The following MS4A4E variants were observed in gnomAD, a reference collection of about 807,000 sequenced individuals.
MS4A4E encodes the protein putative membrane-spanning 4-domains subfamily A member 4E.
MS4A4E carries 23 observed loss-of-function variants against 13.3 expected under a neutral mutation model. The observed-to-expected ratio is 1.73, with a 90% confidence interval of 1.25 to 2.45. The LOEUF is 2.45. Among genes scored for constraint, MS4A4E ranks in the 30% most tolerant of loss-of-function variants. MS4A4E has a pLI of 0.00. For missense variants in MS4A4E, 144 were observed against 131.2 expected, an observed-to-expected ratio of 1.10 and a Z score of -0.48; for synonymous variants, 36 against 45.6, an observed-to-expected ratio of 0.79 and a Z score of 0.85.
intron 3 of MS4A4E, among the ~76,000 whole-genome samples, chr11:60,219,428 T>C: frequency 6.7e-6 from 1 of 149,476 alleles, no homozygotes; most frequent in East Asian, 2.0e-4. Flanking sequence ...AGCTCTGGTA[T>C]TGGCTAATTA....
chr11:60,235,279 G>T (rs553124628), intron 1 of MS4A4E, among the ~76,000 whole-genome samples: 3 of 152,290 alleles, frequency 2.0e-5, no homozygotes, highest in Non-Finnish European at 4.4e-5. Context: ...TTTTTGTAGA[G>T]ACAGAGTTTT....
At chr11:60,222,046 G>A (rs2084276324) in intron 3 of MS4A4E, among the ~76,000 whole-genome samples, 1 of 152,142 alleles carries the variant, frequency 6.6e-6, no homozygotes, top group South Asian at 2.1e-4. Context: ...CCACTGCTGA[G>A]CACCTAATTT....
At chr11:60,223,718 A>G (rs1011840799) in intron 3 of MS4A4E, among the ~76,000 whole-genome samples, 2 of 152,184 alleles carry the variant, frequency 1.3e-5, no homozygotes, top group African/African-American at 4.8e-5. Flanking sequence ...AGACTGGTTT[A>G]GTCTCTGGCC....
chr11:60,232,608 A>C (rs1451027793), intron 1 of MS4A4E, among the ~76,000 whole-genome samples: 1 of 151,958 alleles, frequency 6.6e-6, no homozygotes, highest in East Asian at 1.9e-4. Flanking sequence ...GAGTCTTTAC[A>C]GGCTCTGAGC....
rs149509440 is a variant in MS4A4E at position 60,211,798 on chromosome 11, A to T, written c.381+1176T>A. On this transcript the variant is annotated intron_variant, in intron 5 of 8. Transcript: ENST00000651255. ...CGTGGTGGCACATGCCTGTAATTCC[A>T]GCTACTTGGGATGCTGAGGCAGGAG... 1.9e-3 allele frequency among the ~76,000 whole-genome samples: 284 copies of T among 152,326 alleles called. 2 individuals carry two copies. The highest frequency in any genetic ancestry group is 6.6e-3 in the African/African-American group (276 of 41,564).
intron 3 of MS4A4E, 70 bp from the exon 4 acceptor site, chr11:60,214,684 C>G (rs1449836621): frequency 2.8e-5 from 28 of 1,011,014 alleles, no homozygotes; most frequent in Non-Finnish European, 4.0e-5. Flanking sequence ...TTGGAAATCA[C>G]AACTTAGTAA....
At chr11:60,203,122 T>G (rs2084004945) in intron 8 of MS4A4E, among the ~76,000 whole-genome samples, 2 of 152,240 alleles carry the variant, frequency 1.3e-5, no homozygotes, top group South Asian at 4.1e-4. Flanking sequence ...TTCCTGAATA[T>G]TTAAAAGTAT....
At chr11:60,221,407 C>T (rs1411376722) in intron 3 of MS4A4E, among the ~76,000 whole-genome samples, 1 of 152,158 alleles carries the variant, frequency 6.6e-6, no homozygotes, top group Admixed American at 6.5e-5. Context: ...TGCCTTCTCT[C>T]CCCCAGCCTG....
chr11:60,206,896 C>A (rs2084055060), intron 6 of MS4A4E: 1 of 159,186 alleles, frequency 6.3e-6, no homozygotes. Context: ...TTCTTTAGAT[C>A]AGGCTAGATT....
intron 1 of MS4A4E, among the ~76,000 whole-genome samples, chr11:60,231,166 G>T (rs1437482482): frequency 6.6e-6 from 1 of 151,708 alleles, no homozygotes; most frequent in Non-Finnish European, 1.5e-5. Context: ...AGCTAGAGGG[G>T]AAAAGTTAAA....
At chr11:60,227,451 TGAGGCAGGAGAATGGTGTGAACCCGG>T (rs2084357833) in intron 3 of MS4A4E, among the ~76,000 whole-genome samples, 1 of 152,086 alleles carries the variant, frequency 6.6e-6, no homozygotes, top group African/African-American at 2.4e-5. Flanking sequence ...CTCCAGAGGC[TGAGGCAGGAGAATGGTGTGAACCCGG>T]GAGGCAGAGC....
intron 1 of MS4A4E, among the ~76,000 whole-genome samples, chr11:60,241,405 C>T (rs1565132305): frequency 1.3e-5 from 2 of 152,186 alleles, no homozygotes; most frequent in African/African-American, 4.8e-5. Context: ...TTGGGTCTGT[C>T]TTATCAAACA....
chr11:60,217,408 G>A (rs991613695), intron 3 of MS4A4E, among the ~76,000 whole-genome samples: 1 of 150,168 alleles, frequency 6.7e-6, no homozygotes, highest in Non-Finnish European at 1.5e-5. Flanking sequence ...AAACTCTCAG[G>A]AGCCTTTTTT....
At chr11:60,202,905 C>T (rs182737657) in intron 8 of MS4A4E, among the ~76,000 whole-genome samples, 1 of 152,240 alleles carries the variant, frequency 6.6e-6, no homozygotes, top group East Asian at 1.9e-4. Context: ...GAAGATGACT[C>T]CATTTTTAGA....
At chr11:60,213,189 G>C in intron 4 of MS4A4E, 57 bp from the exon 5 acceptor site, 1 of 1,110,910 alleles carries the variant, frequency 9.0e-7, no homozygotes, top group Non-Finnish European at 1.3e-6. Flanking sequence ...ATATATCTCT[G>C]TTAATTACTT....
intron 3 of MS4A4E, among the ~76,000 whole-genome samples, chr11:60,215,965 A>G (rs1033182765): frequency 3.9e-5 from 6 of 152,188 alleles, no homozygotes; most frequent in Non-Finnish European, 8.8e-5. Flanking sequence ...AAATATGTAT[A>G]TGGTATCTCA....
intron 1 of MS4A4E, among the ~76,000 whole-genome samples, chr11:60,236,602 G>C (rs1410583692): frequency 6.6e-6 from 1 of 151,820 alleles, no homozygotes; most frequent in Non-Finnish European, 1.5e-5. Flanking sequence ...CTAGCATATA[G>C]AACTCCAATT....
intron 1 of MS4A4E, among the ~76,000 whole-genome samples, chr11:60,237,794 C>T (rs930285861): frequency 3.3e-5 from 5 of 151,974 alleles, no homozygotes; most frequent in South Asian, 4.1e-4. Flanking sequence ...TTGTATCCTT[C>T]AAGCTTGCTT....
At chr11:60,242,855 T>A in intron 1 of MS4A4E, 103 bp downstream of exon 1, 1 of 789,190 alleles carries the variant, frequency 1.3e-6, no homozygotes. Flanking sequence ...TCATGGGAAG[T>A]GACCTCATTT....
Sources: gnomAD v4.1 joint callset for allele counts (sites outside exome capture counted in the v4.1 genomes callset) on GRCh38, gnomAD v4.1.1 for gene constraint, MANE v1.5 for transcripts, NCBI Gene and HGNC (gene_info 2026-07-23, HGNC 2026-07-21) for gene names.